PTPRN2: variants seen among roughly 807,000 people sequenced by gnomAD.
PTPRN2 encodes receptor-type tyrosine-protein phosphatase N2.
A neutral mutation model predicts 118.8 loss-of-function variants in PTPRN2; 74 were observed. That is an observed-to-expected ratio of 0.62 (90% CI 0.52 to 0.76). The LOEUF (loss-of-function observed/expected upper bound fraction) is 0.76, where lower values mean the gene tolerates loss of function less well. PTPRN2 is among the 30% of genes least tolerant of loss of function. The pLI is 0.00. For missense variants in PTPRN2, 1,481 were observed against 1,394.4 expected (o/e 1.06, Z -0.99); for synonymous variants, 641 against 608.0 (o/e 1.05, Z -0.80).
intron 12 of PTPRN2, among the ~76,000 whole-genome samples, chr7:157,730,937 C>G (rs77441620): frequency 2.0e-5 from 3 of 152,200 alleles, no homozygotes; most frequent in Non-Finnish European, 4.4e-5. Context: ...CCCCTTCTCC[C>G]CAACTCCCCA....
intron 2 of PTPRN2, among the ~76,000 whole-genome samples, chr7:158,375,935 C>T (rs1810465090): frequency 1.3e-5 from 2 of 152,178 alleles, no homozygotes; most frequent in South Asian, 4.1e-4. Flanking sequence ...AAATCCCCCA[C>T]ATTTGCCATC....
chr7:157,833,991 G>A (rs1807762215), intron 12 of PTPRN2, among the ~76,000 whole-genome samples: 1 of 152,242 alleles, frequency 6.6e-6, no homozygotes, highest in African/African-American at 2.4e-5. Context: ...CCGAAAGAAG[G>A]AGCTGGCGGA....
At chr7:158,312,638 C>A (rs1801929555) in intron 3 of PTPRN2, among the ~76,000 whole-genome samples, 1 of 150,746 alleles carries the variant, frequency 6.6e-6, no homozygotes, top group Admixed American at 6.6e-5. Context: ...ATTTGAGATT[C>A]TTTCCTTCAA....
Position 157,784,536 on chromosome 7 carries a change from C to A in PTPRN2, c.1789-101599G>T, listed in dbSNP as rs979346887. ...CTCAGCCTCAGCGCTGGAGAGAAAG[C>A]CCTATCCCGCTCGGCCTGACCCTCC... On this transcript the variant is annotated intron_variant, in intron 12 of 22. Coordinates refer to ENST00000389418, the MANE Select transcript of PTPRN2 (RefSeq NM_002847.5). The surrounding 1 kb of genome is among the most constrained non-coding windows in gnomAD (Gnocchi z 4.6). Among the ~76,000 whole-genome samples, 30 of 152,190 alleles carry A rather than the reference C, an allele frequency of 2.0e-4. No homozygotes were observed. The highest frequency in any genetic ancestry group is 7.2e-4 in the African/African-American group (30 of 41,446).
intron 12 of PTPRN2, among the ~76,000 whole-genome samples, chr7:157,772,728 A>G (rs1802958838): frequency 6.6e-6 from 1 of 151,978 alleles, no homozygotes; most frequent in Non-Finnish European, 1.5e-5. Context: ...GTCTGGGGGG[A>G]CCCCTGTGGG....
At chr7:158,346,004 GGGA>G (rs1328853208) in intron 2 of PTPRN2, among the ~76,000 whole-genome samples, 2 of 152,180 alleles carry the variant, frequency 1.3e-5, no homozygotes, top group Non-Finnish European at 2.9e-5. Flanking sequence ...CCCAACGCTG[GGGA>G]TTACAACTCA....
chr7:157,570,582 G>A (rs1448511168), intron 20 of PTPRN2, among the ~76,000 whole-genome samples: 3 of 152,214 alleles, frequency 2.0e-5, no homozygotes, highest in Non-Finnish European at 4.4e-5. Context: ...AGCAGAGACA[G>A]TACTATTAGG....
chr7:158,178,070 A>G (rs1044009698), intron 5 of PTPRN2, among the ~76,000 whole-genome samples: 10 of 152,106 alleles, frequency 6.6e-5, no homozygotes, highest in African/African-American at 2.4e-4. Context: ...AGCCATTCTT[A>G]TAGGTTTGTA....
At chr7:157,804,150 A>G (rs1805485584) in intron 12 of PTPRN2, among the ~76,000 whole-genome samples, 1 of 152,262 alleles carries the variant, frequency 6.6e-6, no homozygotes, top group Non-Finnish European at 1.5e-5. Context: ...CTTATTTCGT[A>G]GCATCTAATT....
intron 3 of PTPRN2, among the ~76,000 whole-genome samples, chr7:158,256,065 G>A (rs1353267973): frequency 6.6e-6 from 1 of 152,208 alleles, no homozygotes; most frequent in Non-Finnish European, 1.5e-5. Flanking sequence ...CCCTGCAGGT[G>A]CTGTGTGTTC....
At chr7:158,263,114 TGCACACACATACAC>T (rs1797633219) in intron 3 of PTPRN2, among the ~76,000 whole-genome samples, 2 of 144,752 alleles carry the variant, frequency 1.4e-5, no homozygotes, top group East Asian at 4.3e-4. Flanking sequence ...ACACACACAC[TGCACACACATACAC>T]ATATACACAC....
Position 157,982,271 on chromosome 7 carries a change from A to ATG in PTPRN2, c.1724-83535_1724-83534insCA, listed in dbSNP as rs1563296192. On this transcript the variant is annotated intron_variant, in intron 11 of 22. Coordinates refer to ENST00000389418, the MANE Select transcript of PTPRN2 (RefSeq NM_002847.5). ...CCCCCAAACCCCGAGTCATAGAGCC[A>ATG]AGGAGGGGAATGCAGAGTGCAGGGT... Among the ~76,000 whole-genome samples the ATG allele has an allele frequency of 5.0e-3, 162 of 32,388 alleles. 1 individual carries two copies. Among genetic ancestry groups the ATG allele is most frequent in the African/African-American group, 8.8e-3 (76 of 8,606 alleles). The allele number at this position is 32,388 out of a possible 152,430, so 21.2% of individuals were successfully genotyped here.
intron 12 of PTPRN2, among the ~76,000 whole-genome samples, chr7:157,686,017 G>T (rs1563344129): frequency 6.6e-6 from 1 of 152,238 alleles, no homozygotes; most frequent in Non-Finnish European, 1.5e-5. Context: ...CGACCGCGCG[G>T]GGCCGCGGGA....
chr7:157,948,925 T>C lies in PTPRN2; in HGVS notation c.1724-50188A>G, dbSNP rs1022646109. On this transcript the variant is annotated intron_variant, in intron 11 of 22. Coordinates refer to ENST00000389418, the MANE Select transcript of PTPRN2 (RefSeq NM_002847.5). ...TTCAACCAAATGTGAATTGAAAATATAGTACTCGTGGGATTCAAAACCCAT... is the reference window on the plus strand; with the variant it reads ...TTCAACCAAATGTGAATTGAAAATACAGTACTCGTGGGATTCAAAACCCAT... Among the ~76,000 whole-genome samples, 9 of 152,324 alleles carry C rather than the reference T, an allele frequency of 5.9e-5. 1 individual carries two copies. The highest frequency in any genetic ancestry group is 6.5e-5 in the Admixed American group (1 of 15,300).
intron 3 of PTPRN2, among the ~76,000 whole-genome samples, chr7:158,226,425 G>A (rs949263182): frequency 6.6e-6 from 1 of 152,204 alleles, no homozygotes; most frequent in African/African-American, 2.4e-5. Flanking sequence ...CCAGGTTTGT[G>A]GGTGGGGACG....
chr7:157,710,551 A>G (rs375205687), intron 12 of PTPRN2, among the ~76,000 whole-genome samples: 20 of 135,780 alleles, frequency 1.5e-4, no homozygotes, highest in Admixed American at 6.0e-4. Flanking sequence ...GTCCCGCTGC[A>G]GAAGAACCCT....
At position 158,502,365 on chromosome 7, in the gene PTPRN2, G is replaced by C. The variant is rs189849843; in HGVS notation, c.113-12580C>G. 8.8e-3 allele frequency among the ~76,000 whole-genome samples: 1,346 copies of C among 152,330 alleles called. 26 individuals carry two copies. Among genetic ancestry groups the C allele is most frequent in the African/African-American group, 0.031 (1,287 of 41,570 alleles). ...CTCTTGATTTATTAGAAGGAGATCAGGTTCTTCACAAGATCAAAAGAAGGT... is the reference window on the plus strand; with the variant it reads ...CTCTTGATTTATTAGAAGGAGATCACGTTCTTCACAAGATCAAAAGAAGGT... On this transcript the variant is annotated intron_variant, in intron 1 of 22. Coordinates refer to ENST00000389418, the MANE Select transcript of PTPRN2 (RefSeq NM_002847.5).
chr7:157,720,636 C>T (rs1024132269), intron 12 of PTPRN2, among the ~76,000 whole-genome samples: 2 of 152,254 alleles, frequency 1.3e-5, no homozygotes, highest in African/African-American at 4.8e-5. Context: ...CACGAGCTAC[C>T]TCTTCCCACA....
chr7:157,545,644 C>A (rs1304950099), intron 22 of PTPRN2, among the ~76,000 whole-genome samples: 1 of 152,036 alleles, frequency 6.6e-6, no homozygotes, highest in Non-Finnish European at 1.5e-5. Flanking sequence ...GACTGAGTTG[C>A]CAAATGCTCA....
Sources: gnomAD v4.1 joint callset for allele counts (sites outside exome capture counted in the v4.1 genomes callset) on GRCh38, gnomAD v4.1.1 for gene constraint, Gnocchi (gnomAD v3.1) non-coding constraint, MANE v1.5 for transcripts, NCBI Gene and HGNC (gene_info 2026-07-23, HGNC 2026-07-21) for gene names.